The following CACNA2D1 variants were observed in gnomAD, a reference collection of about 807,000 sequenced individuals.
CACNA2D1 encodes the protein voltage-dependent calcium channel subunit alpha-2/delta-1.
A neutral mutation model predicts 171.5 loss-of-function variants in CACNA2D1; 53 were observed. That is an observed-to-expected ratio of 0.31 (90% CI 0.25 to 0.39). CACNA2D1 has a LOEUF of 0.39. Among genes scored for constraint, CACNA2D1 ranks in the 10% least tolerant of loss-of-function variants. The pLI is 1.00. For synonymous variants in CACNA2D1, 442 were observed against 443.1 expected, an observed-to-expected ratio of 1.00 and a Z score of 0.03; for missense variants, 903 against 1,299.8, an observed-to-expected ratio of 0.69 and a Z score of 4.69.
chr7:82,227,447 T>G (rs1802477706), intron 3 of CACNA2D1, among the ~76,000 whole-genome samples: 2 of 152,360 alleles, frequency 1.3e-5, no homozygotes. Flanking sequence ...AACAGAGTCA[T>G]GTATCAGATT....
rs2129449233 is a variant in CACNA2D1, at chr7:82,380,276, A to C, written c.96-30627T>G. On this transcript the variant is annotated intron_variant, in intron 1 of 38. Coordinates refer to ENST00000356860, the MANE Select transcript of CACNA2D1 (RefSeq NM_000722.4). ...AAGGTAGAAAACATCCAAAACATGT[A>C]CAACAACTCAAGCCTGTGCTTTCAT... Among the ~76,000 whole-genome samples, 3 of 152,354 alleles carry C rather than the reference A, an allele frequency of 2.0e-5. 1 individual carries two copies. In the South Asian group the frequency reaches 6.2e-4, roughly 32 times the overall value.
In CACNA2D1 at chr7:82,060,172, A is replaced by G. The variant is rs1584585019; in HGVS notation, c.879+256T>C. Among the ~76,000 whole-genome samples, 3 of 35,520 alleles carry G rather than the reference A, an allele frequency of 8.4e-5. 1 individual carries two copies. Among genetic ancestry groups the G allele is most frequent in the Non-Finnish European group, 1.6e-4 (3 of 18,182 alleles). The allele number at this position is 35,520 out of a possible 152,430, so 23.3% of individuals were successfully genotyped here. A position where few individuals can be genotyped will look rare whatever the true frequency, so the allele number is the denominator to read the frequency against. On this transcript the variant is annotated intron_variant, in intron 10 of 38. Transcript: ENST00000356860. Reference sequence around the variant, plus strand: ...TATGTATTATATATATATAATATATATATATAATATATATATATTATATAT... The same window carrying G: ...TATGTATTATATATATATAATATATGTATATAATATATATATATTATATAT...
chr7:82,359,891 G>T (rs1401153992), intron 1 of CACNA2D1, among the ~76,000 whole-genome samples: 1 of 152,114 alleles, frequency 6.6e-6, no homozygotes, highest in East Asian at 1.9e-4. Flanking sequence ...TATATGTCAG[G>T]AACTGTTCTA....
chr7:82,064,464 G>T, intron 8 of CACNA2D1, 110 bp from the exon 9 acceptor site: 1 of 717,142 alleles, frequency 1.4e-6, no homozygotes, highest in Non-Finnish European at 2.5e-6. Context: ...CCCAAGCAAA[G>T]ACCCACTTCT....
At chr7:82,406,520 G>A (rs900070247) in intron 1 of CACNA2D1, among the ~76,000 whole-genome samples, 2 of 152,170 alleles carry the variant, frequency 1.3e-5, no homozygotes, top group Non-Finnish European at 2.9e-5. Flanking sequence ...CAGTGCAAAA[G>A]TGTTCCTATT....
intron 6 of CACNA2D1, among the ~76,000 whole-genome samples, chr7:82,107,586 C>CCTTTTT (rs1787904361): frequency 7.4e-6 from 1 of 135,650 alleles, no homozygotes; most frequent in South Asian, 2.4e-4. Flanking sequence ...TGAAAATAAA[C>CCTTTTT]TTTTTTTTTT....
At chr7:82,103,128 T>C (rs1484025633) in intron 6 of CACNA2D1, among the ~76,000 whole-genome samples, 2 of 151,872 alleles carry the variant, frequency 1.3e-5, no homozygotes, top group Non-Finnish European at 2.9e-5. Context: ...GCCAACATGG[T>C]GAAACCCCAT....
intron 6 of CACNA2D1, among the ~76,000 whole-genome samples, chr7:82,090,089 T>C (rs1810968884): frequency 1.3e-5 from 2 of 152,176 alleles, no homozygotes; most frequent in African/African-American, 4.8e-5. Context: ...GTTAATTAAC[T>C]TATCCATCAC....
At chr7:82,094,616 C>G (rs2129024920) in intron 6 of CACNA2D1, among the ~76,000 whole-genome samples, 1 of 141,686 alleles carries the variant, frequency 7.1e-6, no homozygotes, top group Non-Finnish European at 1.5e-5. Context: ...AGACAGGAAT[C>G]TTTTTCTCTT....
At chr7:82,261,127 G>A (rs1201600351) in intron 3 of CACNA2D1, among the ~76,000 whole-genome samples, 1 of 152,040 alleles carries the variant, frequency 6.6e-6, no homozygotes, top group East Asian at 1.9e-4. Context: ...GCTAAATTTT[G>A]TATTTTTAGT....
chr7:82,078,724 G>T (rs1809315285), intron 7 of CACNA2D1, among the ~76,000 whole-genome samples: 1 of 152,142 alleles, frequency 6.6e-6, no homozygotes, highest in Admixed American at 6.5e-5. Context: ...GCTTGCTTTA[G>T]AAATCATTTT....
chr7:82,301,392 T>A (rs62463040), intron 3 of CACNA2D1, among the ~76,000 whole-genome samples: 1 of 152,026 alleles, frequency 6.6e-6, no homozygotes, highest in Non-Finnish European at 1.5e-5. Context: ...CCCAAAGTGC[T>A]GGGATTATAA....
chr7:82,001,364 C>T (rs1189714425), intron 18 of CACNA2D1, among the ~76,000 whole-genome samples: 5 of 152,152 alleles, frequency 3.3e-5, no homozygotes, highest in African/African-American at 1.2e-4. Flanking sequence ...ATTAATTTTA[C>T]AATTTTAATA....
At position 82,013,568 on chromosome 7, in the gene CACNA2D1, A is replaced by C. The variant is rs1226702384; in HGVS notation, c.1223-58T>G. ...TGTTACTTTATAATAAAGGGCCACA[A>C]AATTATTTTATTTTATAAATATTTT... On this transcript the variant is annotated intron_variant, in intron 13 of 38. Coordinates refer to ENST00000356860, the MANE Select transcript of CACNA2D1 (RefSeq NM_000722.4). 1.2e-5 allele frequency: 7 copies of C among 591,262 alleles called. No individual in the cohort carries two copies. In the Admixed American group the frequency reaches 1.2e-4, roughly 11 times the overall value. The allele number at this position is 591,262 out of a possible 1,614,324, so 36.6% of individuals were successfully genotyped here.
chr7:82,441,199 T>C (rs1563556854), intron 1 of CACNA2D1, among the ~76,000 whole-genome samples: 2 of 152,022 alleles, frequency 1.3e-5, no homozygotes, highest in African/African-American at 4.8e-5. Flanking sequence ...TTTAATTTCA[T>C]AAAGTTTATT....
chr7:82,312,193 G>A (rs758011024), intron 3 of CACNA2D1, among the ~76,000 whole-genome samples: 3 of 152,034 alleles, frequency 2.0e-5, no homozygotes, highest in Admixed American at 6.6e-5. Flanking sequence ...AAATAAATTG[G>A]TCTTACTATA....
At chr7:82,423,038 A>G (rs1385599311) in intron 1 of CACNA2D1, among the ~76,000 whole-genome samples, 1 of 152,126 alleles carries the variant, frequency 6.6e-6, no homozygotes, top group African/African-American at 2.4e-5. Flanking sequence ...CATTCCTTGA[A>G]AACTTTTAAT....
At chr7:82,062,344 C>G (rs1807037386) in intron 9 of CACNA2D1, among the ~76,000 whole-genome samples, 1 of 152,138 alleles carries the variant, frequency 6.6e-6, no homozygotes, top group Admixed American at 6.6e-5. Flanking sequence ...TCTGGCAATT[C>G]TTCCACCTGA....
At position 82,320,266 on chromosome 7, in the gene CACNA2D1, T is replaced by C. The variant is rs373934014; in HGVS notation, c.294+14869A>G. On this transcript the variant is annotated intron_variant, in intron 3 of 38. Transcript: ENST00000356860. ...TTACAGAACCATATTTAACTTATTA[T>C]ACTGAGTCAAATGTAACTTGGTCGC... is the stretch of plus-strand genomic sequence containing the variant. 1.5e-4 allele frequency among the ~76,000 whole-genome samples: 23 copies of C among 152,302 alleles called. No homozygotes were observed. The East Asian group carries it at 4.2e-3, about 28-fold the overall frequency.
Sources: allele counts gnomAD v4.1 joint callset (sites outside exome capture counted in the v4.1 genomes callset), GRCh38; gene constraint gnomAD v4.1.1; transcripts MANE v1.5; gene names NCBI Gene and HGNC (gene_info 2026-07-23, HGNC 2026-07-21).